UVRAG: variants seen among roughly 807,000 people sequenced by gnomAD.
UVRAG encodes the protein UV radiation resistance associated.
Under a neutral mutation model 78.0 loss-of-function variants are expected in UVRAG, and 19 were observed. That is an observed-to-expected ratio of 0.24 (90% confidence interval 0.17 to 0.36). The LOEUF is 0.36. Ranked by LOEUF, UVRAG falls within the 10% of genes least tolerant of loss-of-function variation. UVRAG has a pLI of 1.00. For synonymous variants in UVRAG, 323 were observed against 324.6 expected (o/e 1.00, Z 0.05); for missense variants, 740 against 853.8 (o/e 0.87, Z 1.66).
At chr11:76,056,839 G>GC (rs1290062156) in intron 12 of UVRAG, among the ~76,000 whole-genome samples, 2 of 152,178 alleles carry the variant, frequency 1.3e-5, no homozygotes, top group East Asian at 3.9e-4. Context: ...AGTCTAATCT[G>GC]CCCTCAGTAA....
At chr11:75,960,800 G>T (rs1030560992) in intron 6 of UVRAG, among the ~76,000 whole-genome samples, 4 of 152,058 alleles carry the variant, frequency 2.6e-5, no homozygotes, top group African/African-American at 9.7e-5. Flanking sequence ...AGGAGACCAA[G>T]AAGCAAAAAC....
At chr11:76,003,257 A>ATTTTTTTTTTTT (rs398045280) in intron 8 of UVRAG, among the ~76,000 whole-genome samples, 2 of 53,786 alleles carry the variant, frequency 3.7e-5, no homozygotes, top group Admixed American at 3.5e-4. Flanking sequence ...GAAAATACTG[A>ATTTTTTTTTTTT]TTTTTTTTTT....
intron 3 of UVRAG, among the ~76,000 whole-genome samples, chr11:75,862,093 AAT>A (rs1946432476): frequency 6.6e-6 from 1 of 152,162 alleles, no homozygotes; most frequent in South Asian, 2.1e-4. Flanking sequence ...ATAATAATAA[AAT>A]AAAAAAAGAA....
intron 14 of UVRAG, chr11:76,137,083 C>G (rs1358925304): frequency 5.0e-6 from 1 of 201,788 alleles, no homozygotes; most frequent in African/African-American, 2.3e-5. Flanking sequence ...TTCTGAACAG[C>G]TAAAACTAAT....
intron 13 of UVRAG, among the ~76,000 whole-genome samples, chr11:76,079,165 A>T (rs1951454003): frequency 1.3e-5 from 2 of 152,054 alleles, no homozygotes; most frequent in African/African-American, 4.8e-5. Flanking sequence ...AAGTTGTTTG[A>T]CTCGCGACAG....
At chr11:76,088,409 C>T (rs1354649810) in intron 13 of UVRAG, among the ~76,000 whole-genome samples, 1 of 152,088 alleles carries the variant, frequency 6.6e-6, no homozygotes, top group African/African-American at 2.4e-5. Flanking sequence ...CTGCTTAAAA[C>T]CTTGTCATCG....
chr11:76,129,954 C>T (rs1952483547), intron 14 of UVRAG, among the ~76,000 whole-genome samples: 1 of 151,848 alleles, frequency 6.6e-6, no homozygotes, highest in Admixed American at 6.6e-5. Flanking sequence ...CTCTCGCTTT[C>T]TCTCTCTCTC....
chr11:75,832,972 C>A (rs562132922), intron 1 of UVRAG, among the ~76,000 whole-genome samples: 1 of 152,218 alleles, frequency 6.6e-6, no homozygotes, highest in East Asian at 1.9e-4. Flanking sequence ...CATTTCTTAT[C>A]ATACCAGTGT....
Position 76,100,728 on chromosome 11 carries a change from A to ATAGTACTT in UVRAG, c.1306-15194_1306-15187dup, listed in dbSNP as rs1951865097. On this transcript the variant is annotated intron_variant, in intron 13 of 14. Transcript: ENST00000356136. ...ACCCAAGTATTAAGCCTAGTACCCA[A>ATAGTACTT]TAGTACTTTTTCTGTTCCTCTCCCT... 2.0e-5 allele frequency among the ~76,000 whole-genome samples: 3 copies of ATAGTACTT among 152,180 alleles called. No individual in the cohort carries two copies. In the South Asian group the frequency reaches 6.2e-4, roughly 32 times the overall value.
chr11:76,045,934 A>G (rs1347904578), intron 12 of UVRAG, among the ~76,000 whole-genome samples: 1 of 152,178 alleles, frequency 6.6e-6, no homozygotes, highest in Non-Finnish European at 1.5e-5. Context: ...GCACAATAAC[A>G]TTTTAAAAGC....
At chr11:76,127,950 C>T (rs534479305) in intron 14 of UVRAG, among the ~76,000 whole-genome samples, 1 of 151,752 alleles carries the variant, frequency 6.6e-6, no homozygotes, top group South Asian at 2.1e-4. Context: ...AGAGCGAGAC[C>T]CCATCTCAAA....
chr11:76,124,066 G>T (rs1010612985), intron 14 of UVRAG, among the ~76,000 whole-genome samples: 1 of 152,164 alleles, frequency 6.6e-6, no homozygotes, highest in African/African-American at 2.4e-5. Flanking sequence ...GCCCAGCTGA[G>T]TATCAGTTCT....
At chr11:75,862,701 C>T (rs1946448988) in intron 3 of UVRAG, among the ~76,000 whole-genome samples, 1 of 152,242 alleles carries the variant, frequency 6.6e-6, no homozygotes, top group Non-Finnish European at 1.5e-5. Flanking sequence ...GAGCAGTTCT[C>T]TTTCCCCAGT....
At chr11:75,852,215 T>TATC (rs1946168283) in intron 2 of UVRAG, among the ~76,000 whole-genome samples, 1 of 152,242 alleles carries the variant, frequency 6.6e-6, no homozygotes, top group African/African-American at 2.4e-5. Context: ...TTGATACGTT[T>TATC]ATCATTCCTT....
Position 76,076,081 on chromosome 11 carries a change from T to C in UVRAG, c.1305+10293T>C, listed in dbSNP as rs567228481. Among the ~76,000 whole-genome samples the C allele has an allele frequency of 1.1e-4, 17 of 152,334 alleles. No homozygotes were observed. The East Asian group carries it at 3.1e-3, about 28-fold the overall frequency. The stretch of plus-strand genomic sequence containing the variant: ...TTGGGTACAAGTTTTTGTGGGGATA[T>C]AGTTTTCATTATTTTGGGGTGTATA... On this transcript the variant is annotated intron_variant, in intron 13 of 14. Coordinates refer to ENST00000356136, the MANE Select transcript of UVRAG (RefSeq NM_003369.4).
intron 6 of UVRAG, among the ~76,000 whole-genome samples, chr11:75,913,641 G>C (rs1947783959): frequency 1.3e-5 from 2 of 152,124 alleles, no homozygotes; most frequent in South Asian, 4.1e-4. Context: ...CTGAGGCCAA[G>C]AGGCATTAAA....
At chr11:75,921,309 G>A (rs1015804636) in intron 6 of UVRAG, among the ~76,000 whole-genome samples, 3 of 152,190 alleles carry the variant, frequency 2.0e-5, no homozygotes, top group Non-Finnish European at 4.4e-5. Flanking sequence ...CCTGGTGCAA[G>A]TACTTAGTTT....
intron 13 of UVRAG, among the ~76,000 whole-genome samples, chr11:76,079,177 A>G (rs1951454479): frequency 6.6e-6 from 1 of 152,220 alleles, no homozygotes; most frequent in Non-Finnish European, 1.5e-5. Context: ...TCGCGACAGC[A>G]TGATCAAAAA....
intron 2 of UVRAG, 34 bp downstream of exon 2, chr11:75,852,034 T>C: frequency 7.0e-7 from 1 of 1,423,266 alleles, no homozygotes; most frequent in South Asian, 1.2e-5. Context: ...ACCCACAGAT[T>C]GTTATATTTT....
Sources: allele counts gnomAD v4.1 joint callset (sites outside exome capture counted in the v4.1 genomes callset), GRCh38; gene constraint gnomAD v4.1.1; transcripts MANE v1.5; gene names NCBI Gene and HGNC (gene_info 2026-07-23, HGNC 2026-07-21).